ACTL6B: variants seen among roughly 807,000 people sequenced by gnomAD.
ACTL6B encodes the protein actin-like protein 6B.
Under a neutral mutation model 63.3 loss-of-function variants are expected in ACTL6B, and 48 were observed. The observed-to-expected ratio is 0.76, with a 90% CI of 0.60 to 0.96. ACTL6B has a LOEUF of 0.96. Ranked by LOEUF, ACTL6B falls within the 50% of genes least tolerant of loss-of-function variation. ACTL6B has a pLI of 0.00. For missense variants in ACTL6B, 350 were observed against 572.2 expected (o/e 0.61, Z 3.96); for synonymous variants, 230 against 223.8 (o/e 1.03, Z -0.25).
At position 100,647,643 on chromosome 7, in the gene ACTL6B, G is replaced by T; in HGVS notation, c.670-110C>A. The stretch of plus-strand genomic sequence containing the variant: ...GCTACCTGGCGCTGCAGGCTCTGCT[G>T]TGCTGCCTGCAAGAGGGGTTTCTCA... On this transcript the variant is annotated intron_variant, in intron 7 of 13. Coordinates refer to ENST00000160382, the MANE Select transcript of ACTL6B (RefSeq NM_016188.5). This position sits in a 1 kb window ranked among gnomAD's most constrained non-coding sequence, Gnocchi z 4.4. 1.3e-6 allele frequency: 1 copy of T among 793,194 alleles called. No individual in the cohort carries two copies. Among genetic ancestry groups the T allele is most frequent in the Non-Finnish European group, 2.0e-6 (1 of 491,352 alleles). 49.1% of individuals were successfully genotyped at this position (793,194 alleles called of 1,614,324 possible).
At chr7:100,654,951 G>A in intron 4 of ACTL6B, 68 bp downstream of exon 4, 1 of 1,323,508 alleles carries the variant, frequency 7.6e-7, no homozygotes, top group Non-Finnish European at 1.1e-6. Context: ...GAGAGGAGGA[G>A]AGGTGGATGG....
Position 100,654,919 on chromosome 7 carries a change from G to A in ACTL6B, c.369+100C>T. 1.7e-5 allele frequency: 17 copies of A among 995,894 alleles called. No individual in the cohort carries two copies. The South Asian group carries it at 2.4e-4, about 14-fold the overall frequency. The allele number at this position is 995,894 out of a possible 1,614,324, so 61.7% of individuals were successfully genotyped here. A position where few individuals can be genotyped will look rare whatever the true frequency, so the allele number is the denominator to read the frequency against. On this transcript the variant is annotated intron_variant, in intron 4 of 13. Coordinates refer to ENST00000160382, the MANE Select transcript of ACTL6B (RefSeq NM_016188.5). ...GGAGTCTGAAAAGGGAAGGGAAGTGGCTCAGAGCAGTGGCTTGAGGGGAGA... is the reference window on the plus strand; with the variant it reads ...GGAGTCTGAAAAGGGAAGGGAAGTGACTCAGAGCAGTGGCTTGAGGGGAGA...
rs1267710798 is a variant in ACTL6B at position 100,647,788 on chromosome 7, G to A, written c.670-255C>T. ...GAATACAGCAGTGACAGAACCTCAA[G>A]GGAATGGCCTCCTAGGGGGTCATGA... On this transcript the variant is annotated intron_variant, in intron 7 of 13. Transcript: ENST00000160382. The surrounding 1 kb of genome is among the most constrained non-coding windows in gnomAD (Gnocchi z 4.4). 3 of 476,694 alleles carry A rather than the reference G, an allele frequency of 6.3e-6. No individual in the cohort carries two copies. Among genetic ancestry groups the A allele is most frequent in the Middle Eastern group, 5.4e-4 (1 of 1,844 alleles). 29.5% of individuals were successfully genotyped at this position (476,694 alleles called of 1,614,324 possible).
chr7:100,655,322 C>A lies in ACTL6B; in HGVS notation c.268+99G>T. The stretch of plus-strand genomic sequence containing the variant: ...CCTGGCAGCCAGAAGAACCCTGGGG[C>A]TGCAAGGAAGACTCCGCGGGGAGTG... On this transcript the variant is annotated intron_variant, in intron 3 of 13. Transcript: ENST00000160382. The surrounding 1 kb of genome is among the most constrained non-coding windows in gnomAD (Gnocchi z 4.4). 7.1e-7 allele frequency: 1 copy of A among 1,411,180 alleles called. No homozygotes were observed. Among genetic ancestry groups the A allele is most frequent in the East Asian group, 2.3e-5 (1 of 43,776 alleles). The allele number at this position is 1,411,180 out of a possible 1,614,324, so 87.4% of individuals were successfully genotyped here.
chr7:100,643,959 G>A (rs1338414416), intron 13 of ACTL6B, among the ~76,000 whole-genome samples: 4 of 151,938 alleles, frequency 2.6e-5, no homozygotes, highest in African/African-American at 7.3e-5. Flanking sequence ...GAATGCAGTG[G>A]TGCGATCTTG....
rs2131332861 is a variant in ACTL6B, at chr7:100,646,147, TTGAA to T, written c.1200+98_1200+101del. On this transcript the variant is annotated intron_variant, in intron 13 of 13. Transcript: ENST00000160382. This position sits in a 1 kb window ranked among gnomAD's most constrained non-coding sequence, Gnocchi z 6.1. ...GACATTTCTCAAAACTAAATGTTTGTTGAATGAATGAATGAACGAAGAGGCAGTC... is the reference window on the plus strand; with the variant it reads ...GACATTTCTCAAAACTAAATGTTTGTTGAATGAATGAACGAAGAGGCAGTC... The T allele has an allele frequency of 1.7e-5, 17 of 1,008,690 alleles. No homozygotes were observed. Among genetic ancestry groups the T allele is most frequent in the Non-Finnish European group, 2.2e-5 (14 of 650,782 alleles). The allele number at this position is 1,008,690 out of a possible 1,614,324, so 62.5% of individuals were successfully genotyped here.
Position 100,655,378 on chromosome 7 carries a change from G to A in ACTL6B, c.268+43C>T, listed in dbSNP as rs769139619. 5.7e-6 allele frequency: 9 copies of A among 1,592,790 alleles called. No homozygotes were observed. Among genetic ancestry groups the A allele is most frequent in the Non-Finnish European group, 6.0e-6 (7 of 1,168,324 alleles). On this transcript the variant is annotated intron_variant, in intron 3 of 13. Coordinates refer to ENST00000160382, the MANE Select transcript of ACTL6B (RefSeq NM_016188.5). The surrounding 1 kb of genome is among the most constrained non-coding windows in gnomAD (Gnocchi z 4.4). Reference sequence around the variant, plus strand: ...TGCTATGACCCAGATTGTGGGGAGCGGGCTCCTTTTCTGTCAGGAGGTGAT... The same window carrying A: ...TGCTATGACCCAGATTGTGGGGAGCAGGCTCCTTTTCTGTCAGGAGGTGAT...
intron 13 of ACTL6B, among the ~76,000 whole-genome samples, chr7:100,644,769 T>C (rs1455649890): frequency 1.3e-5 from 2 of 150,472 alleles, no homozygotes; most frequent in African/African-American, 2.4e-5. Context: ...TAATACTTAA[T>C]TTCAGGCCGG....
rs1319376880 is a variant in ACTL6B at position 100,656,361 on chromosome 7, C to G, written c.-7G>C. The G allele has an allele frequency of 1.3e-5, 18 of 1,346,674 alleles. No individual in the cohort carries two copies. Among genetic ancestry groups the G allele is most frequent in the East Asian group, 3.1e-5 (1 of 32,362 alleles). The allele number at this position is 1,346,674 out of a possible 1,614,324, so 83.4% of individuals were successfully genotyped here. On this transcript the variant is annotated 5_prime_UTR_variant, in exon 1 of 14. Coordinates refer to ENST00000160382, the MANE Select transcript of ACTL6B (RefSeq NM_016188.5). ...CGTAGACGCCCCCGCTCATAGTGCC[C>G]GCTGCGCTGCTAGCGGCCCGTGGGC...
At position 100,655,446 on chromosome 7, in the gene ACTL6B, G is replaced by A. The variant is rs1390540444; in HGVS notation, c.243C>T (p.Val81=). ...ALHVPRDGAE[V]MSPLKNGMIE... Reference sequence around the variant, plus strand: ...TCATGCCATTCTTGAGGGGCGACATGACCTCCGCTCCATCCCGAGGCACGT... The same window carrying A: ...TCATGCCATTCTTGAGGGGCGACATAACCTCCGCTCCATCCCGAGGCACGT... The change falls in exon 3 of 14, where the codon GTC becomes GTT. Residue 81 remains valine, a synonymous_variant. Coordinates refer to ENST00000160382, the MANE Select transcript of ACTL6B (RefSeq NM_016188.5). The surrounding 1 kb of genome is among the most constrained non-coding windows in gnomAD (Gnocchi z 4.4). 6.2e-7 allele frequency: 1 copy of A among 1,614,112 alleles called. No homozygotes were observed. Among genetic ancestry groups the A allele is most frequent in the Admixed American group, 1.7e-5 (1 of 60,022 alleles).
Position 100,648,424 on chromosome 7 carries a change from G to T in ACTL6B, c.669+132C>A. The T allele has an allele frequency of 1.3e-6, 1 of 742,824 alleles. No homozygotes were observed. Among genetic ancestry groups the T allele is most frequent in the Non-Finnish European group, 2.1e-6 (1 of 474,308 alleles). The allele number at this position is 742,824 out of a possible 1,614,324, so 46.0% of individuals were successfully genotyped here. ...ATTTCGGATGCCTCGATTATAAAAG[G>T]AGGAACTGGAGCCAGGACCCACTGG... On this transcript the variant is annotated intron_variant, in intron 7 of 13. Coordinates refer to ENST00000160382, the MANE Select transcript of ACTL6B (RefSeq NM_016188.5). The surrounding 1 kb of genome is among the most constrained non-coding windows in gnomAD (Gnocchi z 4.4).
intron 4 of ACTL6B, among the ~76,000 whole-genome samples, chr7:100,653,141 C>A (rs1342617219): frequency 7.0e-6 from 1 of 142,880 alleles, no homozygotes; most frequent in Non-Finnish European, 1.5e-5. Context: ...GATTAGCATA[C>A]ATAGTAATAG....
chr7:100,651,677 G>A (rs1803943083), intron 4 of ACTL6B, among the ~76,000 whole-genome samples: 1 of 151,900 alleles, frequency 6.6e-6, no homozygotes, highest in African/African-American at 2.4e-5. Context: ...TCTGCCTCCT[G>A]GGTACAAGCA....
chr7:100,647,590 C>T lies in ACTL6B; in HGVS notation c.670-57G>A. On this transcript the variant is annotated intron_variant, in intron 7 of 13. Coordinates refer to ENST00000160382, the MANE Select transcript of ACTL6B (RefSeq NM_016188.5). The surrounding 1 kb of genome is among the most constrained non-coding windows in gnomAD (Gnocchi z 4.4). The stretch of plus-strand genomic sequence containing the variant: ...CTAGCCCACCTGACCCCCACCCCCA[C>T]CTTCCTGGCACTGTTCCCAGCTCTG... 1 of 1,317,768 alleles carries T rather than the reference C, an allele frequency of 7.6e-7. No individual in the cohort carries two copies. The highest frequency in any genetic ancestry group is 1.4e-5 in the South Asian group (1 of 72,548). The allele number at this position is 1,317,768 out of a possible 1,614,324, so 81.6% of individuals were successfully genotyped here. A position where few individuals can be genotyped will look rare whatever the true frequency, so the allele number is the denominator to read the frequency against.
rs1803855056 is a variant in ACTL6B, at chr7:100,647,951, C to T, written c.670-418G>A. Among the ~76,000 whole-genome samples the T allele has an allele frequency of 6.6e-6, 1 of 150,704 alleles. No homozygotes were observed. The highest frequency in any genetic ancestry group is 1.5e-5 in the Non-Finnish European group (1 of 67,784). ...GGAGCTTTGATATCATGCTGTTGGT[C>T]ACACAGCTCTTTTTTTTTTTTTTTT... On this transcript the variant is annotated intron_variant, in intron 7 of 13. Coordinates refer to ENST00000160382, the MANE Select transcript of ACTL6B (RefSeq NM_016188.5). This position sits in a 1 kb window ranked among gnomAD's most constrained non-coding sequence, Gnocchi z 4.4.
At chr7:100,653,237 A>AGGCT (rs1198268551) in intron 4 of ACTL6B, among the ~76,000 whole-genome samples, 1 of 151,976 alleles carries the variant, frequency 6.6e-6, no homozygotes, top group African/African-American at 2.4e-5. Context: ...GCTTAAGCAC[A>AGGCT]GGAGTTTGAA....
At position 100,646,916 on chromosome 7, in the gene ACTL6B, C is replaced by T. The variant is rs1268793129; in HGVS notation, c.936+55G>A. 1 of 1,605,316 alleles carries T rather than the reference C, an allele frequency of 6.2e-7. No homozygotes were observed. Among genetic ancestry groups the T allele is most frequent in the Non-Finnish European group, 8.5e-7 (1 of 1,173,460 alleles). On this transcript the variant is annotated intron_variant, in intron 10 of 13. Coordinates refer to ENST00000160382, the MANE Select transcript of ACTL6B (RefSeq NM_016188.5). This position sits in a 1 kb window ranked among gnomAD's most constrained non-coding sequence, Gnocchi z 6.1. The stretch of plus-strand genomic sequence containing the variant: ...ATCCTTCCCAGCCTCCCCCACGCCC[C>T]AGGATCCAGGGACTGCAGCCAGCAC...
In ACTL6B at chr7:100,646,439, T is replaced by A. The variant is rs1436405694; in HGVS notation, c.1114-104A>T. ...TGGGAAGCCACAGGGGCAGGGGTTC[T>A]GCTCTGGTGGCCAGAACAGAAGGAA... On this transcript the variant is annotated intron_variant, in intron 12 of 13. Coordinates refer to ENST00000160382, the MANE Select transcript of ACTL6B (RefSeq NM_016188.5). The surrounding 1 kb of genome is among the most constrained non-coding windows in gnomAD (Gnocchi z 6.1). The A allele has an allele frequency of 3.2e-6, 5 of 1,550,480 alleles. No homozygotes were observed. The highest frequency in any genetic ancestry group is 2.7e-6 in the Non-Finnish European group (3 of 1,126,608).
intron 4 of ACTL6B, among the ~76,000 whole-genome samples, chr7:100,652,999 CAAAAAAAAAAAAAAAAAAAAAAAAAAAAA>C (rs58707737): frequency 1.2e-4 from 3 of 25,948 alleles, no homozygotes; most frequent in East Asian, 2.1e-3. Flanking sequence ...AACTCCGTCT[CAAAAAAAAAAAAAAAAAAAAAAAAAAAAA>C]AAAAAAAAAA....
Sources: allele counts gnomAD v4.1 joint callset (sites outside exome capture counted in the v4.1 genomes callset), GRCh38; gene constraint gnomAD v4.1.1; non-coding constraint Gnocchi (gnomAD v3.1); transcripts MANE v1.5; gene names NCBI Gene and HGNC (gene_info 2026-07-23, HGNC 2026-07-21).